CAMKMT: variants seen among roughly 807,000 people sequenced by gnomAD.
The protein encoded by CAMKMT is calmodulin-lysine N-methyltransferase, also known as CaM KMT.
CAMKMT carries 53 observed loss-of-function variants against 48.0 expected under a neutral mutation model. That is an observed-to-expected ratio of 1.10 (90% CI 0.89 to 1.39). The LOEUF (loss-of-function observed/expected upper bound fraction) is 1.39. CAMKMT is among the 40% of genes most tolerant of loss of function. CAMKMT has a pLI of 0.00. For missense variants in CAMKMT, 428 were observed against 402.7 expected (o/e 1.06, Z -0.54); for synonymous variants, 165 against 152.3 (o/e 1.08, Z -0.61).
intron 3 of CAMKMT, among the ~76,000 whole-genome samples, chr2:44,434,255 T>A (rs1326440076): frequency 6.6e-6 from 1 of 152,048 alleles, no homozygotes; most frequent in African/African-American, 2.4e-5. Flanking sequence ...TGGTTGAGGT[T>A]TCCATTGATA....
At chr2:44,521,300 GACAGAGTC>G (rs1671096262) in intron 3 of CAMKMT, among the ~76,000 whole-genome samples, 1 of 151,504 alleles carries the variant, frequency 6.6e-6, no homozygotes, top group Non-Finnish European at 1.5e-5. Flanking sequence ...TTTTTTAATA[GACAGAGTC>G]TTGCTCTGTT....
chr2:44,513,299 A>G (rs920730435), intron 3 of CAMKMT, among the ~76,000 whole-genome samples: 1 of 151,186 alleles, frequency 6.6e-6, no homozygotes, highest in South Asian at 2.1e-4. Context: ...GGACTGGAAC[A>G]TAGGAGTGTG....
chr2:44,760,479 C>T (rs376172144), intron 9 of CAMKMT, among the ~76,000 whole-genome samples: 16 of 151,598 alleles, frequency 1.1e-4, no homozygotes, highest in South Asian at 8.4e-4. Flanking sequence ...GGCATTATGG[C>T]GGGTGCCTGT....
chr2:44,410,916 A>T (rs147675112), intron 3 of CAMKMT, among the ~76,000 whole-genome samples: 1 of 152,204 alleles, frequency 6.6e-6, no homozygotes, highest in Non-Finnish European at 1.5e-5. Context: ...ATCATTATGT[A>T]TAAAATTAAT....
intron 10 of CAMKMT, among the ~76,000 whole-genome samples, chr2:44,771,798 G>A (rs1681125524): frequency 6.6e-6 from 1 of 152,152 alleles, no homozygotes; most frequent in African/African-American, 2.4e-5. Context: ...TCAAAGTGCA[G>A]TTTGGGTATT....
intron 3 of CAMKMT, among the ~76,000 whole-genome samples, chr2:44,638,745 A>AG (rs2103993922): frequency 6.6e-6 from 1 of 152,368 alleles, no homozygotes; most frequent in East Asian, 1.9e-4. Flanking sequence ...GAAGAAAAAT[A>AG]GACAAGTAGG....
chr2:44,410,247 A>ATAT (rs1487789970), intron 3 of CAMKMT, among the ~76,000 whole-genome samples: 12 of 19,488 alleles, frequency 6.2e-4, no homozygotes, highest in African/African-American at 1.0e-3. Flanking sequence ...ATATATATAT[A>ATAT]TTTTTTTTTT....
intron 3 of CAMKMT, among the ~76,000 whole-genome samples, chr2:44,573,970 G>C (rs1248086385): frequency 6.6e-6 from 1 of 152,068 alleles, no homozygotes; most frequent in Non-Finnish European, 1.5e-5. Context: ...GATAGGGCAG[G>C]TCCCTTCTGA....
chr2:44,362,025 G>C lies in CAMKMT; in HGVS notation c.18G>C (p.Ala6=). 7.1e-7 allele frequency: 1 copy of C among 1,415,666 alleles called. No homozygotes were observed. 87.7% of individuals were successfully genotyped at this position (1,415,666 alleles called of 1,614,324 possible). A position where few individuals can be genotyped will look rare whatever the true frequency, so the allele number is the denominator to read the frequency against. Residue 6 remains alanine (A), a synonymous_variant, in exon 1 of 11, where the codon GCG becomes GCC. Transcript: ENST00000378494. MESRV[A]DAGTGETARA... is the part of the protein sequence containing the mutation. The stretch of plus-strand genomic sequence containing the variant: ...CCAGTGAGATGGAGTCGCGAGTCGC[G>C]GACGCTGGGACCGGCGAGACCGCGC...
At chr2:44,435,415 C>G (rs959393721) in intron 3 of CAMKMT, among the ~76,000 whole-genome samples, 3 of 152,180 alleles carry the variant, frequency 2.0e-5, no homozygotes, top group Non-Finnish European at 2.9e-5. Flanking sequence ...ATGACATTTT[C>G]CAGAAGAATA....
chr2:44,388,879 A>G (rs1052899566), intron 2 of CAMKMT, among the ~76,000 whole-genome samples: 3 of 151,938 alleles, frequency 2.0e-5, no homozygotes, highest in Non-Finnish European at 4.4e-5. Context: ...TTAGCTGTGG[A>G]TACTAGTGCC....
At chr2:44,614,797 T>G (rs1354060030) in intron 3 of CAMKMT, among the ~76,000 whole-genome samples, 1 of 152,082 alleles carries the variant, frequency 6.6e-6, no homozygotes, top group Non-Finnish European at 1.5e-5. Flanking sequence ...CTCCAGAGTC[T>G]TGTCTCAGTA....
rs554767619 is a variant in CAMKMT, at chr2:44,624,775, G to A, written c.377-79508G>A. On this transcript the variant is annotated intron_variant, in intron 3 of 10. Coordinates refer to ENST00000378494, the MANE Select transcript of CAMKMT (RefSeq NM_024766.5). ...AGTCTTTGCTATTGTGAATAGTGCC[G>A]CAATAAATATACCTGTGCATGTGTC... Among the ~76,000 whole-genome samples the A allele has an allele frequency of 9.8e-4, 149 of 152,132 alleles. 3 individuals carry two copies. The South Asian group carries it at 0.026, about 27-fold the overall frequency.
Position 44,735,046 on chromosome 2 carries a change from G to A in CAMKMT, c.624-8576G>A, listed in dbSNP as rs145836277. ...AATTTGAAGCTCTGTTATTCAGTGC[G>A]TGAATATTTAGAATTGTTATGTCTG... On this transcript the variant is annotated intron_variant, in intron 7 of 10. Transcript: ENST00000378494. Among the ~76,000 whole-genome samples, 482 of 152,252 alleles carry A rather than the reference G, an allele frequency of 3.2e-3. 1 individual carries two copies. The highest frequency in any genetic ancestry group is 0.011 in the African/African-American group (442 of 41,556).
At chr2:44,587,601 G>C (rs1422156057) in intron 3 of CAMKMT, among the ~76,000 whole-genome samples, 2 of 136,584 alleles carry the variant, frequency 1.5e-5, no homozygotes, top group East Asian at 2.0e-4. Flanking sequence ...TCAGCCTGCC[G>C]AGTGCCTGCG....
At chr2:44,480,911 G>A (rs1355425831) in intron 3 of CAMKMT, among the ~76,000 whole-genome samples, 1 of 151,830 alleles carries the variant, frequency 6.6e-6, no homozygotes, top group African/African-American at 2.4e-5. Context: ...TATATTTATT[G>A]AAGATAAAGG....
intron 3 of CAMKMT, among the ~76,000 whole-genome samples, chr2:44,552,899 A>C (rs917695536): frequency 6.6e-6 from 1 of 152,150 alleles, no homozygotes; most frequent in African/African-American, 2.4e-5. Context: ...TAATCTTTGG[A>C]CAAATCAGCA....
At chr2:44,727,462 T>C (rs1359097436) in intron 7 of CAMKMT, among the ~76,000 whole-genome samples, 2 of 152,232 alleles carry the variant, frequency 1.3e-5, no homozygotes, top group Non-Finnish European at 2.9e-5. Context: ...TGTACATTGA[T>C]TTTGTATCCT....
intron 3 of CAMKMT, among the ~76,000 whole-genome samples, chr2:44,598,242 A>C (rs1670783762): frequency 6.6e-6 from 1 of 152,054 alleles, no homozygotes; most frequent in Non-Finnish European, 1.5e-5. Flanking sequence ...AAAAATAAGA[A>C]TATTTTTTCC....
Sources: allele counts gnomAD v4.1 joint callset (sites outside exome capture counted in the v4.1 genomes callset), GRCh38; gene constraint gnomAD v4.1.1; transcripts MANE v1.5; gene names NCBI Gene and HGNC (gene_info 2026-07-23, HGNC 2026-07-21).